The following GPATCH8 variants were observed in gnomAD, a reference collection of about 807,000 sequenced individuals.
GPATCH8 encodes the protein G patch domain-containing protein 8.
GPATCH8 carries 18 observed loss-of-function variants against 118.3 expected under a neutral mutation model. That is an observed-to-expected ratio of 0.15 (90% CI 0.11 to 0.23). GPATCH8 has a LOEUF of 0.23. Among genes scored for constraint, GPATCH8 ranks in the 10% least tolerant of loss-of-function variants. GPATCH8 has a pLI of 1.00. For synonymous variants in GPATCH8, 659 were observed against 684.7 expected (o/e 0.96, Z 0.59); for missense variants, 1,631 against 1,873.8 (o/e 0.87, Z 2.39).
At chr17:44,421,434 C>T (rs149780466) in intron 6 of GPATCH8, among the ~76,000 whole-genome samples, 1,856 of 149,548 alleles carry the variant, frequency 0.012, 32 homozygotes, top group African/African-American at 0.038. Context: ...GGCACGATCT[C>T]GGCTCACTAT....
chr17:44,458,454 A>G (rs1056702603), intron 3 of GPATCH8, among the ~76,000 whole-genome samples: 6 of 152,184 alleles, frequency 3.9e-5, no homozygotes, highest in Non-Finnish European at 7.3e-5. Context: ...TTCTTTGCCT[A>G]TAATGAGATA....
At chr17:44,408,784 G>A (rs2049324159) in intron 6 of GPATCH8, among the ~76,000 whole-genome samples, 1 of 152,170 alleles carries the variant, frequency 6.6e-6, no homozygotes, top group African/African-American at 2.4e-5. Context: ...ATGGTTGGAG[G>A]TAGATACGGA....
Position 44,429,471 on chromosome 17 carries a change from A to G in GPATCH8, c.349-4979T>C, listed in dbSNP as rs12386066. Among the ~76,000 whole-genome samples, 1,374 of 152,040 alleles carry G rather than the reference A, an allele frequency of 9.0e-3. 20 individuals carry two copies. Among genetic ancestry groups the G allele is most frequent in the African/African-American group, 0.023 (960 of 41,496 alleles). ...ACACTCTGGAGAAAATCTTGTGTGT[A>G]TATATATATACAAGAAAACTGATTC... On this transcript the variant is annotated intron_variant, in intron 5 of 7. Coordinates refer to ENST00000591680, the MANE Select transcript of GPATCH8 (RefSeq NM_001002909.4).
intron 5 of GPATCH8, among the ~76,000 whole-genome samples, chr17:44,428,935 A>G (rs1378021628): frequency 2.6e-5 from 4 of 151,716 alleles, no homozygotes; most frequent in African/African-American, 9.7e-5. Context: ...AGGTCAGGAG[A>G]TCGAGACCAT....
Position 44,400,705 on chromosome 17 carries a change from C to G in GPATCH8, c.1372G>C (p.Val458Leu). 1 of 1,611,050 alleles carries G rather than the reference C, an allele frequency of 6.2e-7. No individual in the cohort carries two copies. The highest frequency in any genetic ancestry group is 8.5e-7 in the Non-Finnish European group (1 of 1,178,122). ...AAASQGAEKT[V>L]SEVSEQPKET... is the part of the protein sequence containing the mutation. The stretch of plus-strand genomic sequence containing the variant: ...TTCGGCTGCTCAGAGACTTCACTAA[C>G]TGTCTTTTCTGCTCCTTGGCTTGCT... Residue 458 changes from valine (V) to leucine (L), a missense_variant, in exon 8 of 8, where the codon GTT becomes CTT. Around this residue, in one of 8 missense-constraint regions of GPATCH8, gnomAD observed 405 missense variants for 462.7 expected, o/e 0.88. Coordinates refer to ENST00000591680, the MANE Select transcript of GPATCH8 (RefSeq NM_001002909.4).
At chr17:44,501,243 C>G (rs1239008361) in intron 1 of GPATCH8, among the ~76,000 whole-genome samples, 1 of 151,940 alleles carries the variant, frequency 6.6e-6, no homozygotes, top group Non-Finnish European at 1.5e-5. Flanking sequence ...ACGGTGAAAC[C>G]CCATCTCTAC....
At chr17:44,409,656 A>C (rs1456503177) in intron 6 of GPATCH8, among the ~76,000 whole-genome samples, 2 of 152,188 alleles carry the variant, frequency 1.3e-5, no homozygotes, top group East Asian at 3.8e-4. Flanking sequence ...CAATCCACTT[A>C]TTACTAGGTG....
chr17:44,400,105 T>C lies in GPATCH8; in HGVS notation c.1972A>G (p.Thr658Ala), dbSNP rs1457065463. The C allele has an allele frequency of 6.2e-7, 1 of 1,614,056 alleles. No individual in the cohort carries two copies. The highest frequency in any genetic ancestry group is 1.7e-5 in the Admixed American group (1 of 60,016). The part of the protein sequence containing the change: ...GGSHGSETED[T>A]GRSLPSKKER... ...TTCTTGCTGGGAAGGCTTCTCCCTGTGTCTTCTGTCTCAGACCCATGGCTA... is the reference window on the plus strand; with the variant it reads ...TTCTTGCTGGGAAGGCTTCTCCCTGCGTCTTCTGTCTCAGACCCATGGCTA... Residue 658 changes from threonine (T) to alanine (A), a missense_variant, in exon 8 of 8, where the codon ACA becomes GCA. Around this residue, in one of 8 missense-constraint regions of GPATCH8, gnomAD observed 922 missense variants for 879.7 expected, o/e 1.05. Coordinates refer to ENST00000591680, the MANE Select transcript of GPATCH8 (RefSeq NM_001002909.4).
In GPATCH8 at chr17:44,399,173, A is replaced by T; in HGVS notation, c.2904T>A (p.Ser968Arg). 6.2e-7 allele frequency: 1 copy of T among 1,611,462 alleles called. No homozygotes were observed. Among genetic ancestry groups the T allele is most frequent in the East Asian group, 2.2e-5 (1 of 44,864 alleles). The change falls in exon 8 of 8, where the codon AGT becomes AGA. Residue 968 changes from serine (S) to arginine (R), a missense_variant. Coordinates refer to ENST00000591680, the MANE Select transcript of GPATCH8 (RefSeq NM_001002909.4). ...GRSRSSSCSR[S>R]RSKRRSRSTT... Reference sequence around the variant, plus strand: ...TGCTACGGCTTCTCCGCTTGCTTCGACTACGACTACAACTGCTGCTGCGGC... The same window carrying T: ...TGCTACGGCTTCTCCGCTTGCTTCGTCTACGACTACAACTGCTGCTGCGGC...
intron 5 of GPATCH8, among the ~76,000 whole-genome samples, chr17:44,432,677 G>A (rs1263025463): frequency 6.6e-6 from 1 of 152,066 alleles, no homozygotes; most frequent in Non-Finnish European, 1.5e-5. Context: ...AATTAAGGAG[G>A]AGCTAAGTTA....
At chr17:44,449,010 T>G (rs1362179320) in intron 3 of GPATCH8, among the ~76,000 whole-genome samples, 1 of 152,110 alleles carries the variant, frequency 6.6e-6, no homozygotes, top group Non-Finnish European at 1.5e-5. Flanking sequence ...GCGTGGTGGC[T>G]CACGCCTGTA....
chr17:44,400,446 T>C lies in GPATCH8; in HGVS notation c.1631A>G (p.Asp544Gly). ...TGGCCACTGGAGGGCAGTGCTTTCA[T>C]CTTTGCTCAAAACTGGGAAGAAGGG... ...TGPFFPVLSK[D>G]ESTALQWPSE... Residue 544 changes from aspartate to glycine, a missense_variant, in exon 8 of 8, where the codon GAT becomes GGT. Coordinates refer to ENST00000591680, the MANE Select transcript of GPATCH8 (RefSeq NM_001002909.4). 1 of 1,614,208 alleles carries C rather than the reference T, an allele frequency of 6.2e-7. No individual in the cohort carries two copies. Among genetic ancestry groups the C allele is most frequent in the Non-Finnish European group, 8.5e-7 (1 of 1,180,026 alleles).
rs781273009 is a variant in GPATCH8, at chr17:44,452,290, G to GA, written c.193+12181dup. ...TCCGTCTCAAAAAAAAAAAAAAAAA[G>GA]AAAAAAAAAAAAAGGAAAAAAGATC... On this transcript the variant is annotated intron_variant, in intron 3 of 7. Coordinates refer to ENST00000591680, the MANE Select transcript of GPATCH8 (RefSeq NM_001002909.4). Among the ~76,000 whole-genome samples the GA allele has an allele frequency of 9.9e-3, 1,062 of 107,138 alleles. 4 individuals carry two copies. Among genetic ancestry groups the GA allele is most frequent in the Non-Finnish European group, 0.012 (616 of 51,114 alleles). The allele number at this position is 107,138 out of a possible 152,430, so 70.3% of individuals were successfully genotyped here.
intron 5 of GPATCH8, among the ~76,000 whole-genome samples, chr17:44,432,327 T>G (rs907764829): frequency 6.6e-6 from 1 of 152,106 alleles, no homozygotes; most frequent in African/African-American, 2.4e-5. Context: ...CATTACTACC[T>G]GATGGTCCAA....
intron 1 of GPATCH8, among the ~76,000 whole-genome samples, chr17:44,492,432 C>T (rs978496925): frequency 6.6e-6 from 1 of 150,488 alleles, no homozygotes; most frequent in African/African-American, 2.5e-5. Context: ...ATTAGCCAGG[C>T]GTGGTGGTGG....
intron 6 of GPATCH8, among the ~76,000 whole-genome samples, chr17:44,418,371 C>T (rs563871083): frequency 4.6e-5 from 7 of 151,748 alleles, no homozygotes; most frequent in Non-Finnish European, 8.8e-5. Context: ...GAGGCAAGGA[C>T]GTAGGGATAG....
Position 44,485,945 on chromosome 17 carries a change from G to A in GPATCH8, c.46-11042C>T, listed in dbSNP as rs80240591. On this transcript the variant is annotated intron_variant, in intron 1 of 7. Coordinates refer to ENST00000591680, the MANE Select transcript of GPATCH8 (RefSeq NM_001002909.4). ...AAGGTCTCCCTGTCACCCAAGCTAC[G>A]GGGCAGTGGTGCAATCACAGCTCAC... Among the ~76,000 whole-genome samples, 844 of 152,176 alleles carry A rather than the reference G, an allele frequency of 5.5e-3. 10 individuals are homozygous for A. The highest frequency in any genetic ancestry group is 0.019 in the African/African-American group (774 of 41,520).
intron 1 of GPATCH8, among the ~76,000 whole-genome samples, chr17:44,488,920 C>T (rs1047440337): frequency 3.3e-5 from 5 of 151,378 alleles, no homozygotes; most frequent in African/African-American, 1.2e-4. Flanking sequence ...AACCCCATCT[C>T]TACAAAAATA....
At chr17:44,480,914 T>C (rs945225339) in intron 1 of GPATCH8, among the ~76,000 whole-genome samples, 13 of 151,812 alleles carry the variant, frequency 8.6e-5, no homozygotes, top group African/African-American at 2.4e-4. Flanking sequence ...TAATACCACT[T>C]CATTTGTTTG....
Sources: allele counts gnomAD v4.1 joint callset (sites outside exome capture counted in the v4.1 genomes callset), GRCh38; gene constraint gnomAD v4.1.1; regional missense constraint gnomAD v4.1.1; transcripts MANE v1.5; gene names NCBI Gene and HGNC (gene_info 2026-07-23, HGNC 2026-07-21).